Variants in LHX4 observed in about 807,000 individuals in gnomAD.
LHX4 encodes the protein LIM homeobox 4, also known as LIM/homeobox protein Lhx4.
A neutral mutation model predicts 39.2 loss-of-function variants in LHX4; 16 were observed. The ratio of observed to expected loss-of-function variants is 0.41; its 90% CI spans 0.28 to 0.62. The LOEUF (loss-of-function observed/expected upper bound fraction) is 0.62. Among genes scored for constraint, LHX4 ranks in the 20% least tolerant of loss-of-function variants. The pLI, the probability that LHX4 is intolerant of heterozygous loss-of-function variation, is 0.33. For synonymous variants in LHX4, 206 were observed against 198.1 expected (o/e 1.04, Z -0.33); for missense variants, 439 against 511.9 (o/e 0.86, Z 1.37).
rs1201339177 is a variant in LHX4 at position 180,248,310 on chromosome 1, C to G, written c.102C>G (p.Asn34Lys). The G allele has an allele frequency of 6.2e-7, 1 of 1,614,192 alleles. No individual in the cohort carries two copies. The highest frequency in any genetic ancestry group is 2.2e-5 in the East Asian group (1 of 44,890). ...MQQIPQCAGC[N>K]QHILDKFILK... is the part of the protein sequence containing the mutation. ...AGATTCCCCAGTGCGCTGGCTGCAA[C>G]CAGCACATCCTGGACAAGTTCATCC... Residue 34 changes from asparagine (N) to lysine (K), a missense_variant, in exon 2 of 6, where the codon AAC becomes AAG. Physicochemically the swap from Asn to Lys is moderately conservative, Grantham distance 94. Coordinates refer to ENST00000263726, the MANE Select transcript of LHX4 (RefSeq NM_033343.4).
At position 180,266,642 on chromosome 1, in the gene LHX4, G is replaced by C; in HGVS notation, c.451+48G>C. ...GTCCCCTCTCCAGGCCTTTGTTTGG[G>C]CCACGCCCTCTGCCTGAGGTGCCCT... On this transcript the variant is annotated intron_variant, in intron 3 of 5. Coordinates refer to ENST00000263726, the MANE Select transcript of LHX4 (RefSeq NM_033343.4). This position sits in a 1 kb window ranked among gnomAD's most constrained non-coding sequence, Gnocchi z 5.7. 1 of 1,580,384 alleles carries C rather than the reference G, an allele frequency of 6.3e-7. No homozygotes were observed. Among genetic ancestry groups the C allele is most frequent in the Non-Finnish European group, 8.6e-7 (1 of 1,157,116 alleles).
chr1:180,258,724 A>G (rs1014940372), intron 2 of LHX4, among the ~76,000 whole-genome samples: 3 of 152,048 alleles, frequency 2.0e-5, no homozygotes, highest in African/African-American at 4.8e-5. Flanking sequence ...GGATCTCTTG[A>G]GCCCAGGAAT....
At chr1:180,230,063 C>A (rs1309970557), upstream of LHX4, among the ~76,000 whole-genome samples, 1 of 151,442 alleles carries the variant, frequency 6.6e-6, no homozygotes, top group African/African-American at 2.4e-5. The surrounding 1 kb of genome is among the most constrained non-coding windows in gnomAD (Gnocchi z 5.8). Flanking sequence ...GACCCCCACT[C>A]CCTCCGGGGT....
Position 180,234,675 on chromosome 1 carries a change from AG to A in LHX4, c.76+4074del, listed in dbSNP as rs1328714953. Among the ~76,000 whole-genome samples the A allele has an allele frequency of 6.6e-6, 1 of 152,242 alleles. No individual in the cohort carries two copies. Among genetic ancestry groups the A allele is most frequent in the African/African-American group, 2.4e-5 (1 of 41,466 alleles). ...ACGGAGCACGCAGGTGCAGCAGGTG[AG>A]GGGCAAAGGTCTGCATTGAGCAGTC... On this transcript the variant is annotated intron_variant, in intron 1 of 5. Transcript: ENST00000263726. The surrounding 1 kb of genome is among the most constrained non-coding windows in gnomAD (Gnocchi z 4.8).
chr1:180,264,378 A>ACACACACACACACAC (rs1242935728), intron 2 of LHX4, among the ~76,000 whole-genome samples: 2 of 145,302 alleles, frequency 1.4e-5, no homozygotes, highest in Admixed American at 1.4e-4. Flanking sequence ...ACACACACAT[A>ACACACACACACACAC]ACACACACAC....
intron 1 of LHX4, among the ~76,000 whole-genome samples, chr1:180,247,197 C>T (rs1018484995): frequency 3.3e-5 from 5 of 152,162 alleles, no homozygotes; most frequent in South Asian, 2.1e-4. Flanking sequence ...CTATCAAATT[C>T]GCAAGCAATC....
chr1:180,245,750 C>A (rs929922698), intron 1 of LHX4, among the ~76,000 whole-genome samples: 2 of 152,312 alleles, frequency 1.3e-5, no homozygotes, highest in South Asian at 2.1e-4. Flanking sequence ...GTCATCATCA[C>A]CCCCTTTTAC....
rs1664266847 is a variant in LHX4 at position 180,234,517 on chromosome 1, C to T, written c.76+3912C>T. Among the ~76,000 whole-genome samples the T allele has an allele frequency of 6.6e-6, 1 of 152,160 alleles. No homozygotes were observed. Among genetic ancestry groups the T allele is most frequent in the Admixed American group, 6.5e-5 (1 of 15,290 alleles). On this transcript the variant is annotated intron_variant, in intron 1 of 5. Coordinates refer to ENST00000263726, the MANE Select transcript of LHX4 (RefSeq NM_033343.4). This position sits in a 1 kb window ranked among gnomAD's most constrained non-coding sequence, Gnocchi z 4.8. ...GGGACAGCGGATGGCTGAGGACTCC[C>T]AAGGGGCGAGAGGGCTCCGGCCTCC...
intron 2 of LHX4, among the ~76,000 whole-genome samples, chr1:180,250,701 C>G (rs796097124): frequency 1.8e-4 from 28 of 152,270 alleles, no homozygotes; most frequent in African/African-American, 6.3e-4. Flanking sequence ...CTTGGACCCC[C>G]CAGTGCTTCC....
intron 2 of LHX4, among the ~76,000 whole-genome samples, chr1:180,258,653 T>C (rs944222861): frequency 2.6e-5 from 4 of 151,888 alleles, no homozygotes; most frequent in Non-Finnish European, 4.4e-5. Context: ...TAATTTTGAG[T>C]AGAAGCTGGG....
chr1:180,240,945 G>GA (rs1175283267), intron 1 of LHX4, among the ~76,000 whole-genome samples: 3 of 152,188 alleles, frequency 2.0e-5, no homozygotes, highest in African/African-American at 7.2e-5. Flanking sequence ...TGAAGAAGGA[G>GA]ATTATGGCTA....
chr1:180,263,714 A>G (rs755783331), intron 2 of LHX4, among the ~76,000 whole-genome samples: 17 of 152,280 alleles, frequency 1.1e-4, no homozygotes, highest in South Asian at 4.1e-4. Flanking sequence ...GATTAAATTT[A>G]TACCCCCGTT....
At position 180,266,593 on chromosome 1, in the gene LHX4, C is replaced by T. The variant is rs16855642; in HGVS notation, c.450C>T (p.Asn150=). 26,228 of 1,613,830 alleles carry T rather than the reference C, an allele frequency of 0.016. 551 individuals carry two copies. Among genetic ancestry groups the T allele is most frequent in the African/African-American group, 0.1 (7,676 of 74,980 alleles). Reference sequence around the variant, plus strand: ...AAGACTACGAGACAGCCAAGCAGAACGGTAAGCAGCATGGCCCCGCATGGT... The same window carrying T: ...AAGACTACGAGACAGCCAAGCAGAATGGTAAGCAGCATGGCCCCGCATGGT... ...CKEDYETAKQ[N]DDSEAGAKRP... The change falls in exon 3 of 6, where the codon AAC becomes AAT. Residue 150 remains asparagine, a splice_region_variant and synonymous_variant. Coordinates refer to ENST00000263726, the MANE Select transcript of LHX4 (RefSeq NM_033343.4). This position sits in a 1 kb window ranked among gnomAD's most constrained non-coding sequence, Gnocchi z 5.7.
At chr1:180,249,359 A>C (rs142611378) in intron 2 of LHX4, among the ~76,000 whole-genome samples, 171 of 152,274 alleles carry the variant, frequency 1.1e-3, no homozygotes, top group African/African-American at 3.9e-3. Context: ...TTAGTCCTTG[A>C]CTTCTCTCCC....
rs79338020 is a variant in LHX4 at position 180,260,170 on chromosome 1, G to A, written c.249-6222G>A. On this transcript the variant is annotated intron_variant, in intron 2 of 5. Coordinates refer to ENST00000263726, the MANE Select transcript of LHX4 (RefSeq NM_033343.4). ...GGGCTGAGGGCTGGAGGTGAGGGTC[G>A]GATGAGATCACATGTGCAGGGCCCA... Among the ~76,000 whole-genome samples the A allele has an allele frequency of 4.3e-3, 652 of 151,696 alleles. 23 individuals carry two copies. Among genetic ancestry groups the A allele is most frequent in the African/African-American group, 0.015 (601 of 41,058 alleles).
intron 2 of LHX4, among the ~76,000 whole-genome samples, chr1:180,255,325 T>TAC (rs972196890): frequency 1.3e-5 from 2 of 152,272 alleles, no homozygotes; most frequent in African/African-American, 4.8e-5. Flanking sequence ...TGATCGTGCG[T>TAC]ACACACACAC....
intron 2 of LHX4, among the ~76,000 whole-genome samples, chr1:180,253,960 G>A (rs1470931849): frequency 6.6e-6 from 1 of 152,234 alleles, no homozygotes; most frequent in East Asian, 1.9e-4. Flanking sequence ...AACCTGCCAT[G>A]TGGATCTCTG....
At chr1:180,256,748 C>T (rs1647873513) in intron 2 of LHX4, among the ~76,000 whole-genome samples, 1 of 152,140 alleles carries the variant, frequency 6.6e-6, no homozygotes, top group South Asian at 2.1e-4. Flanking sequence ...TCAGTAAGCA[C>T]CCCCGATGCG....
chr1:180,272,854 CAACT>C (rs1349096795), intron 5 of LHX4: 2 of 152,202 alleles, frequency 1.3e-5, no homozygotes, highest in Non-Finnish European at 2.9e-5. Context: ...TGAACACAAC[CAACT>C]GTGGATGTGC....
Sources: allele counts gnomAD v4.1 joint callset (sites outside exome capture counted in the v4.1 genomes callset), GRCh38; gene constraint gnomAD v4.1.1; non-coding constraint Gnocchi (gnomAD v3.1); transcripts MANE v1.5; gene names NCBI Gene and HGNC (gene_info 2026-07-23, HGNC 2026-07-21).